NIPSNAP3B: variants seen among roughly 807,000 people sequenced by gnomAD.
The protein encoded by NIPSNAP3B is protein NipSnap homolog 3B.
A neutral mutation model predicts 31.5 loss-of-function variants in NIPSNAP3B; 30 were observed. The ratio of observed to expected loss-of-function variants is 0.95; its 90% CI spans 0.71 to 1.29. The LOEUF is 1.29. Among genes scored for constraint, NIPSNAP3B ranks in the 50% most tolerant of loss-of-function variants. The pLI is 0.00. For synonymous variants in NIPSNAP3B, 106 were observed against 107.9 expected (o/e 0.98, Z 0.11); for missense variants, 269 against 300.7 (o/e 0.89, Z 0.78).
chr9:104,785,442 C>T, the NIPSNAP3B span: 75 of 1,613,866 alleles, frequency 4.6e-5, no homozygotes, highest in Middle Eastern at 4.9e-4. Context: ...TATGTGGAGT[C>T]GCTTTTTGCT....
At chr9:104,765,936 G>A (rs1828081685) in intron 1 of NIPSNAP3B, among the ~76,000 whole-genome samples, 1 of 152,080 alleles carries the variant, frequency 6.6e-6, no homozygotes, top group African/African-American at 2.4e-5. Flanking sequence ...TTCAATGTGT[G>A]GAACTAATAC....
At chr9:104,788,683 C>T in the NIPSNAP3B span, 2 of 1,291,624 alleles carry the variant, frequency 1.5e-6, no homozygotes, top group Non-Finnish European at 2.2e-6. Context: ...ACCAATACAT[C>T]TGCTGCTACT....
the NIPSNAP3B span, chr9:104,785,282 C>G: frequency 7.2e-7 from 1 of 1,393,980 alleles, no homozygotes; most frequent in Non-Finnish European, 9.9e-7. Context: ...AATAGTAGAT[C>G]AGGAATTCAA....
At chr9:104,789,300 T>C in the NIPSNAP3B span, among the ~76,000 whole-genome samples, 5 of 152,192 alleles carry the variant, frequency 3.3e-5, no homozygotes, top group Admixed American at 1.3e-4. Flanking sequence ...AACCTTACTA[T>C]GGGCTGGTTA....
chr9:104,765,815 T>A (rs1215327068), intron 1 of NIPSNAP3B, among the ~76,000 whole-genome samples: 1 of 152,262 alleles, frequency 6.6e-6, no homozygotes, highest in Non-Finnish European at 1.5e-5. Flanking sequence ...GGAAATACTT[T>A]GACCTGAATA....
the NIPSNAP3B span, chr9:104,787,735 G>T: frequency 1.4e-6 from 1 of 695,988 alleles, no homozygotes; most frequent in Non-Finnish European, 1.8e-6. Flanking sequence ...AGCATCTGCA[G>T]GCATGGTACA....
At chr9:104,764,330 T>C (rs1199958579) in intron 1 of NIPSNAP3B, 30 bp downstream of exon 1, 1 of 1,547,948 alleles carries the variant, frequency 6.5e-7, no homozygotes, top group Admixed American at 2.0e-5. Flanking sequence ...GCCCGAGCCC[T>C]GGCCGGAGGG....
downstream of NIPSNAP3B, among the ~76,000 whole-genome samples, chr9:104,780,825 A>G (rs1250463410): frequency 3.3e-5 from 5 of 152,336 alleles, no homozygotes; most frequent in African/African-American, 1.2e-4. Flanking sequence ...AACCAACATG[A>G]AAATACAAAA....
At chr9:104,785,341 C>G in the NIPSNAP3B span, 248,182 of 1,607,818 alleles carry the variant, frequency 0.15, 23,192 homozygotes, top group African/African-American at 0.38. Flanking sequence ...GCGGGAGTGT[C>G]GGGGCAGGAA....
intron 1 of NIPSNAP3B, among the ~76,000 whole-genome samples, chr9:104,764,783 G>C (rs1423364005): frequency 6.6e-6 from 1 of 151,990 alleles, no homozygotes; most frequent in Non-Finnish European, 1.5e-5. Context: ...TCCTGACCTC[G>C]TGATCCGCCC....
Position 104,768,949 on chromosome 9 carries a change from C to A in NIPSNAP3B, c.358C>A (p.Arg120Ser). 1 of 1,613,818 alleles carries A rather than the reference C, an allele frequency of 6.2e-7. No individual in the cohort carries two copies. Among genetic ancestry groups the A allele is most frequent in the Non-Finnish European group, 8.5e-7 (1 of 1,179,822 alleles). Residue 120 changes from arginine (R) to serine (S), a missense_variant, in exon 3 of 6, where the codon CGC (arginine) becomes AGC (serine). By Grantham distance (110) the Arg-to-Ser change is moderately radical. Transcript: ENST00000374762. ...QEQSIIPNLA[R>S]IDKQETEITY... ...ACAATCTATCATTCCAAATTTGGCT[C>A]GCATTGATAAACAAGAGACGGAAAT...
Position 104,774,394 on chromosome 9 carries a change from A to G in NIPSNAP3B, c.*1321A>G, listed in dbSNP as rs1828290647. On this transcript the variant is annotated 3_prime_UTR_variant, in exon 6 of 6. Coordinates refer to ENST00000374762, the MANE Select transcript of NIPSNAP3B (RefSeq NM_018376.4). ...CTCCTCAGCATTCTTTTCCATGCAG[A>G]GTTCAAAGAGGCCTAAGACATCTCA... Among the ~76,000 whole-genome samples the G allele has an allele frequency of 6.6e-6, 1 of 152,250 alleles. No homozygotes were observed. The highest frequency in any genetic ancestry group is 6.5e-5 in the Admixed American group (1 of 15,286).
chr9:104,787,750 C>A, the NIPSNAP3B span: 1 of 854,866 alleles, frequency 1.2e-6, no homozygotes, highest in Non-Finnish European at 1.4e-6. Context: ...GGTACAGCCA[C>A]CCCAGTGTGT....
At chr9:104,766,966 C>T (rs751338117) in intron 2 of NIPSNAP3B, among the ~76,000 whole-genome samples, 6 of 151,898 alleles carry the variant, frequency 4.0e-5, no homozygotes, top group South Asian at 2.1e-4. Flanking sequence ...ATGGTATTGA[C>T]GAAGATGGAA....
chr9:104,770,991 C>A lies in NIPSNAP3B; in HGVS notation c.573C>A (p.Leu191=). ...TTTTCCACACAGAATATGGAGAACTCAACAGAGGTACAGTTGTCCATTTGT... is the reference window on the plus strand; with the variant it reads ...TTTTCCACACAGAATATGGAGAACTAAACAGAGGTACAGTTGTCCATTTGT... The part of the protein sequence containing the change: ...VGVFHTEYGE[L]NRVHVLWWNE... The change falls in exon 4 of 6, where the codon CTC becomes CTA. Residue 191 remains leucine (L), a synonymous_variant. Coordinates refer to ENST00000374762, the MANE Select transcript of NIPSNAP3B (RefSeq NM_018376.4). 1 of 1,613,676 alleles carries A rather than the reference C, an allele frequency of 6.2e-7. No individual in the cohort carries two copies. Among genetic ancestry groups the A allele is most frequent in the South Asian group, 1.1e-5 (1 of 91,046 alleles).
At position 104,766,358 on chromosome 9, in the gene NIPSNAP3B, T is replaced by G. The variant is rs772451361; in HGVS notation, c.94T>G (p.Tyr32Asp). The G allele has an allele frequency of 6.2e-7, 1 of 1,613,748 alleles. No individual in the cohort carries two copies. The highest frequency in any genetic ancestry group is 2.2e-5 in the East Asian group (1 of 44,836). ...CSSFATGPRQ[Y>D]DGTFYEFRTY... ...ATCTTTTGCTACGGGCCCTAGACAATACGATGGAACGTTCTATGAATTTCG... is the reference window on the plus strand; with the variant it reads ...ATCTTTTGCTACGGGCCCTAGACAAGACGATGGAACGTTCTATGAATTTCG... Residue 32 changes from tyrosine (Y) to aspartate (D), a missense_variant, in exon 2 of 6, where the codon TAC becomes GAC. Coordinates refer to ENST00000374762, the MANE Select transcript of NIPSNAP3B (RefSeq NM_018376.4).
At chr9:104,767,184 T>G (rs1269785068) in intron 2 of NIPSNAP3B, among the ~76,000 whole-genome samples, 1 of 152,162 alleles carries the variant, frequency 6.6e-6, no homozygotes, top group African/African-American at 2.4e-5. Context: ...AGTTAACTTT[T>G]AAGCGTCACC....
rs774995022 is a variant in NIPSNAP3B, at chr9:104,764,274, C to T, written c.34C>T (p.Leu12Phe). The change falls in exon 1 of 6, where the codon CTT becomes TTT. Residue 12 changes from leucine (L) to phenylalanine (F), a missense_variant. Physicochemically the swap from Leu to Phe is conservative, Grantham distance 22. Transcript: ENST00000374762. ...TCTCAGAAGCGGCCTGACCAAGGCGCTTGCCTCACGGACGCTCGCGCCTCA... is the reference window on the plus strand; with the variant it reads ...TCTCAGAAGCGGCCTGACCAAGGCGTTTGCCTCACGGACGCTCGCGCCTCA... ...LVLRSGLTKA[L>F]ASRTLAPQVC... 235 of 1,597,228 alleles carry T rather than the reference C, an allele frequency of 1.5e-4. No individual in the cohort carries two copies. The highest frequency in any genetic ancestry group is 2.0e-4 in the Non-Finnish European group (230 of 1,174,082).
At chr9:104,785,924 C>T in the NIPSNAP3B span, among the ~76,000 whole-genome samples, 1 of 152,202 alleles carries the variant, frequency 6.6e-6, no homozygotes, top group African/African-American at 2.4e-5. Flanking sequence ...GTCACTTGCC[C>T]ATGGCTCAGA....
Sources: gnomAD v4.1 joint callset for allele counts (sites outside exome capture counted in the v4.1 genomes callset) on GRCh38, gnomAD v4.1.1 for gene constraint, MANE v1.5 for transcripts, NCBI Gene and HGNC (gene_info 2026-07-23, HGNC 2026-07-21) for gene names.